EFHC2: variants seen among roughly 807,000 people sequenced by gnomAD.
The protein encoded by EFHC2 is EF-hand domain-containing family member C2.
EFHC2 carries 18 observed loss-of-function variants against 52.7 expected under a neutral mutation model. That is an observed-to-expected ratio of 0.34 (90% CI 0.24 to 0.51). The LOEUF is 0.51. EFHC2 is among the 20% of genes least tolerant of loss of function. The probability of loss-of-function intolerance (pLI) is 0.97; values close to 1 mark genes in which losing one functional copy is unlikely to be tolerated. For missense variants in EFHC2, 513 were observed against 562.5 expected (o/e 0.91, Z 0.89); for synonymous variants, 203 against 204.1 (o/e 0.99, Z 0.04).
At chrX:44,285,281 GAAGGCAGATCCAAGA>G (rs1404556663) in intron 2 of EFHC2, 1 of 111,977 alleles carries the variant, frequency 8.9e-6, no homozygotes, top group African/African-American at 3.2e-5. Context: ...GATGACAGAG[GAAGGCAGATCCAAGA>G]ATTCTTCCTT....
chrX:44,220,760 T>C (rs972225268), intron 11 of EFHC2, among the ~76,000 whole-genome samples: 8 of 112,629 alleles, frequency 7.1e-5, no homozygotes, highest in Non-Finnish European at 1.3e-4. Context: ...AAATGTTTAC[T>C]ATTACAAAAT....
At chrX:44,198,010 G>A (rs968064361) in intron 11 of EFHC2, among the ~76,000 whole-genome samples, 3 of 111,985 alleles carry the variant, frequency 2.7e-5, no homozygotes, top group Admixed American at 9.4e-5. Context: ...GCTATATAGC[G>A]GCCTTGCTTT....
chrX:44,331,553 C>T (rs2038086642), intron 1 of EFHC2, among the ~76,000 whole-genome samples: 2 of 111,762 alleles, frequency 1.8e-5, no homozygotes, highest in South Asian at 7.5e-4. Flanking sequence ...ACAAGTGAAG[C>T]TGGGGAAATC....
chrX:44,169,722 TAC>T (rs10642638), intron 13 of EFHC2, among the ~76,000 whole-genome samples: 3,260 of 102,456 alleles, frequency 0.032, 132 homozygotes, highest in African/African-American at 0.11. Context: ...TAGCTACACA[TAC>T]ACACACACAC....
chrX:44,272,023 A>C (rs192228486), intron 3 of EFHC2, among the ~76,000 whole-genome samples: 5 of 112,130 alleles, frequency 4.5e-5, no homozygotes, highest in Non-Finnish European at 5.6e-5. Flanking sequence ...CAGCATCCCA[A>C]GAGAAGGACC....
At chrX:44,149,869 T>C (rs2147261475) in intron 14 of EFHC2, among the ~76,000 whole-genome samples, 1 of 112,545 alleles carries the variant, frequency 8.9e-6, no homozygotes, top group South Asian at 3.7e-4. Flanking sequence ...TGGTTACTGT[T>C]TCTTCAGTAA....
chrX:44,161,796 T>A (rs905836412), intron 14 of EFHC2, among the ~76,000 whole-genome samples: 28 of 112,633 alleles, frequency 2.5e-4, no homozygotes, highest in Admixed American at 1.6e-3. Context: ...TTCACATGGA[T>A]GAGAATGAAA....
intron 11 of EFHC2, among the ~76,000 whole-genome samples, chrX:44,181,736 T>C (rs1313266993): frequency 8.9e-6 from 1 of 112,661 alleles, no homozygotes; most frequent in Non-Finnish European, 1.9e-5. Flanking sequence ...GTGTGGCTGC[T>C]GTGCCCACAT....
At chrX:44,258,179 A>T (rs1276731736) in intron 4 of EFHC2, among the ~76,000 whole-genome samples, 3 of 111,916 alleles carry the variant, frequency 2.7e-5, no homozygotes, top group African/African-American at 9.8e-5. Flanking sequence ...AATCATAAAA[A>T]CTCTAAAGAA....
intron 12 of EFHC2, among the ~76,000 whole-genome samples, chrX:44,177,490 A>G (rs1055299719): frequency 9.0e-6 from 1 of 111,057 alleles, no homozygotes; most frequent in Admixed American, 9.6e-5. Flanking sequence ...GATTTTTCTA[A>G]TTCCAGATGA....
chrX:44,242,025 T>G, intron 8 of EFHC2, 96 bp downstream of exon 8: 73 of 865,492 alleles, frequency 8.4e-5, no homozygotes, highest in Non-Finnish European at 1.1e-4. Context: ...TGCAATTAGA[T>G]GAGCTGCGTG....
intron 8 of EFHC2, 58 bp downstream of exon 8, chrX:44,242,063 T>C (rs1411871919): frequency 9.2e-7 from 1 of 1,090,897 alleles, no homozygotes; most frequent in Non-Finnish European, 1.2e-6. Context: ...AGAACTATGT[T>C]ATAAACCCCA....
chrX:44,148,569 T>C lies in EFHC2; in HGVS notation c.*226A>G. On this transcript the variant is annotated 3_prime_UTR_variant, in exon 15 of 15. Transcript: ENST00000420999. ...TAATAAACCATACATATAATAAAAA[T>C]ATTCAACATGTTTTAAGATGGCATT... is the stretch of plus-strand genomic sequence containing the variant. 1 of 330,387 alleles carries C rather than the reference T, an allele frequency of 3.0e-6. No homozygotes were observed. The allele number at this position is 330,387 out of a possible 1,213,427, so 27.2% of individuals were successfully genotyped here.
chrX:44,281,542 A>T (rs2037702067), intron 2 of EFHC2, among the ~76,000 whole-genome samples: 1 of 112,103 alleles, frequency 8.9e-6, no homozygotes, highest in Non-Finnish European at 1.9e-5. Flanking sequence ...ATATCAGATG[A>T]AGTATTGGCT....
chrX:44,277,262 A>G (rs1436797775), intron 2 of EFHC2, among the ~76,000 whole-genome samples: 2 of 104,025 alleles, frequency 1.9e-5, no homozygotes, highest in Admixed American at 1.1e-4. Flanking sequence ...CCAGCTCAAA[A>G]AAAAAAAAAA....
intron 1 of EFHC2, among the ~76,000 whole-genome samples, chrX:44,338,908 C>T (rs766518910): frequency 9.0e-6 from 1 of 111,511 alleles, no homozygotes; most frequent in African/African-American, 3.3e-5. Context: ...GCAGAAAGAG[C>T]GGCCAGGCGC....
intron 3 of EFHC2, among the ~76,000 whole-genome samples, chrX:44,269,182 C>T (rs1308841251): frequency 9.0e-6 from 1 of 110,959 alleles, no homozygotes; most frequent in African/African-American, 3.3e-5. Context: ...ATCTCCATTT[C>T]TAGTCTTGAC....
intron 7 of EFHC2, 22 bp downstream of exon 7, chrX:44,248,250 A>C: frequency 9.2e-7 from 1 of 1,083,961 alleles, no homozygotes; most frequent in Non-Finnish European, 1.2e-6. Context: ...AAATATTTTT[A>C]ATTGACATAT....
intron 11 of EFHC2, among the ~76,000 whole-genome samples, chrX:44,206,155 A>C (rs181998532): frequency 8.9e-6 from 1 of 112,019 alleles, no homozygotes; most frequent in East Asian, 2.8e-4. Flanking sequence ...AAAGCAAAAA[A>C]TTATTTGAAA....
Sources: allele counts gnomAD v4.1 joint callset (sites outside exome capture counted in the v4.1 genomes callset), GRCh38; gene constraint gnomAD v4.1.1; transcripts MANE v1.5; gene names NCBI Gene and HGNC (gene_info 2026-07-23, HGNC 2026-07-21).